Variants in SEC23B observed in about 807,000 individuals in gnomAD.
The protein encoded by SEC23B is SEC23 homolog B, COPII component.
In SEC23B, 77 loss-of-function variants were observed where a neutral mutation model predicts 104.3. The observed-to-expected ratio is 0.74, with a 90% CI of 0.61 to 0.89. The LOEUF (loss-of-function observed/expected upper bound fraction) is 0.89. Ranked by LOEUF, SEC23B falls within the 40% of genes least tolerant of loss-of-function variation. The pLI, the probability that SEC23B is intolerant of heterozygous loss-of-function variation, is 0.00. For missense variants in SEC23B, 885 were observed against 949.4 expected (o/e 0.93, Z 0.89); for synonymous variants, 338 against 332.5 (o/e 1.02, Z -0.18).
intron 7 of SEC23B, 145 bp downstream of exon 7, chr20:18,526,077 T>C (rs2060131564): frequency 9.5e-7 from 1 of 1,055,898 alleles, no homozygotes; most frequent in African/African-American, 1.6e-5. Flanking sequence ...ATCATTATCA[T>C]TCACGTTGAG....
intron 16 of SEC23B, among the ~76,000 whole-genome samples, chr20:18,549,078 TAC>T (rs767157556): frequency 1.3e-5 from 2 of 151,890 alleles, no homozygotes; most frequent in Non-Finnish European, 2.9e-5. Flanking sequence ...GACTCCTAGA[TAC>T]AGAGTAGACT....
intron 19 of SEC23B, among the ~76,000 whole-genome samples, chr20:18,557,775 G>A (rs1482923563): frequency 8.1e-6 from 1 of 122,912 alleles, no homozygotes; most frequent in Admixed American, 8.6e-5. Flanking sequence ...TTTTTGAGAT[G>A]GAGTTTTGCA....
rs764683518 is a variant in SEC23B, at chr20:18,554,248, G to T, written c.2006G>T (p.Trp669Leu). The T allele has an allele frequency of 6.2e-7, 1 of 1,614,160 alleles. No individual in the cohort carries two copies. The highest frequency in any genetic ancestry group is 8.5e-7 in the Non-Finnish European group (1 of 1,180,030). ...VIYLGETIAQWRKAGYQDMPE... is the reference protein window; with the variant it reads ...VIYLGETIAQLRKAGYQDMPE... ...GTTTCTGTGTAGACCATAGCCCAGT[G>T]GCGTAAAGCTGGCTACCAGGACATG... The change falls in exon 18 of 20, where the codon TGG (tryptophan) becomes TTG (leucine). Residue 669 changes from tryptophan to leucine, a missense_variant. Transcript: ENST00000650089.
chr20:18,525,048 G>A (rs962766191), intron 6 of SEC23B, 28 bp downstream of exon 6: 46 of 1,579,440 alleles, frequency 2.9e-5, no homozygotes, highest in African/African-American at 5.4e-5. Flanking sequence ...AGTGTTACAC[G>A]TATTGTGATG....
chr20:18,532,071 C>T (rs968612295), intron 10 of SEC23B, among the ~76,000 whole-genome samples: 1 of 151,864 alleles, frequency 6.6e-6, no homozygotes, highest in Non-Finnish European at 1.5e-5. Context: ...GGTCAGGGGC[C>T]GTCATTAGAA....
Position 18,514,951 on chromosome 20 carries a change from A to G in SEC23B, c.280-699A>G, listed in dbSNP as rs2060012505. On this transcript the variant is annotated intron_variant, in intron 3 of 19. Transcript: ENST00000650089. ...GTCTTTGGCTTTATTTAGACTATTA[A>G]CTATTGATGAGATAGGTGAAATCTC... Among the ~76,000 whole-genome samples, 4 of 152,208 alleles carry G rather than the reference A, an allele frequency of 2.6e-5. No individual in the cohort carries two copies. In the South Asian group the frequency reaches 8.3e-4, roughly 31 times the overall value.
chr20:18,555,102 T>C lies in SEC23B; in HGVS notation c.2149-6T>C, dbSNP rs761418419. On this transcript the variant is annotated splice_region_variant and splice_polypyrimidine_tract_variant and intron_variant, in intron 18 of 19. Transcript: ENST00000650089. ...TTAAATCTTTTTGTTGTTGTTGTTG[T>C]TAAAGGCTCGATTCCTTTTGTCCAA... The C allele has an allele frequency of 1.9e-6, 3 of 1,612,760 alleles. No homozygotes were observed. The highest frequency in any genetic ancestry group is 2.5e-6 in the Non-Finnish European group (3 of 1,178,768).
chr20:18,553,336 A>C (rs998459653), intron 17 of SEC23B, among the ~76,000 whole-genome samples: 5 of 152,232 alleles, frequency 3.3e-5, no homozygotes, highest in Non-Finnish European at 7.3e-5. Context: ...TGAGCAGGCT[A>C]CAGAAGGAGG....
rs1232015244 is a variant in SEC23B at position 18,524,546 on chromosome 20, A to G, written c.480A>G (p.Pro160=). ...AGATGTCCCTGAGTCTTCTTCCTCCAGATGCTCTGGTGGGTCTGATCACAT... is the reference window on the plus strand; with the variant it reads ...AGATGTCCCTGAGTCTTCTTCCTCCGGATGCTCTGGTGGGTCTGATCACAT... ...SLQMSLSLLP[P]DALVGLITFG... is the part of the protein sequence containing the mutation. Residue 160 remains proline, a synonymous_variant, in exon 5 of 20, where the codon CCA becomes CCG. Coordinates refer to ENST00000650089, the MANE Select transcript of SEC23B (RefSeq NM_006363.6). The G allele has an allele frequency of 1.2e-6, 2 of 1,614,098 alleles. No individual in the cohort carries two copies. The highest frequency in any genetic ancestry group is 1.7e-6 in the Non-Finnish European group (2 of 1,180,048).
At chr20:18,539,678 T>C (rs1379398415) in intron 12 of SEC23B, among the ~76,000 whole-genome samples, 1 of 133,926 alleles carries the variant, frequency 7.5e-6, no homozygotes, top group Non-Finnish European at 1.6e-5. Context: ...GGAGTCTTGC[T>C]CTGTTGCTCA....
Position 18,545,903 on chromosome 20 carries a change from TTC to T in SEC23B, c.1666-45_1666-44del, listed in dbSNP as rs2060327213. ...TTCCAGGTAATGCTAACTTAGATTT[TTC>T]TCTCTCTTTTTGTGTGTGTTTGTTT... On this transcript the variant is annotated intron_variant, in intron 14 of 19. Coordinates refer to ENST00000650089, the MANE Select transcript of SEC23B (RefSeq NM_006363.6). 9 of 1,062,500 alleles carry T rather than the reference TTC, an allele frequency of 8.5e-6. No homozygotes were observed. In the East Asian group the frequency reaches 9.4e-5, roughly 11 times the overall value. The allele number at this position is 1,062,500 out of a possible 1,614,324, so 65.8% of individuals were successfully genotyped here.
At chr20:18,545,897 A>G in intron 14 of SEC23B, 59 bp from the exon 15 acceptor site, 2 of 1,007,846 alleles carry the variant, frequency 2.0e-6, no homozygotes, top group Non-Finnish European at 3.2e-6. Context: ...ATGCTAACTT[A>G]GATTTTTCTC....
intron 4 of SEC23B, among the ~76,000 whole-genome samples, chr20:18,516,552 T>G (rs1444810427): frequency 1.4e-5 from 2 of 144,516 alleles, no homozygotes; most frequent in East Asian, 3.9e-4. Flanking sequence ...TTTCTTTTTC[T>G]TTTTTTTTTT....
intron 12 of SEC23B, among the ~76,000 whole-genome samples, chr20:18,537,664 CAGCATGGCACA>C (rs1184838476): frequency 6.6e-6 from 1 of 151,956 alleles, no homozygotes; most frequent in Non-Finnish European, 1.5e-5. Context: ...TACAGCACAC[CAGCATGGCACA>C]TGTATACATA....
At position 18,548,643 on chromosome 20, in the gene SEC23B, A is replaced by G; in HGVS notation, c.1778A>G (p.Gln593Arg). Residue 593 changes from glutamine to arginine, a missense_variant, in exon 16 of 20, where the codon CAA becomes CGA. Physicochemically the swap from Gln to Arg is conservative, Grantham distance 43. Transcript: ENST00000650089. ...MFHLRRSPFL[Q>R]VFNNSPDESS... ...CATCTGAGAAGATCTCCATTTCTTC[A>G]AGTGTTTAACAACAGTCCTGATGAG... is the stretch of plus-strand genomic sequence containing the variant. The G allele has an allele frequency of 6.2e-7, 1 of 1,614,128 alleles. No homozygotes were observed. Among genetic ancestry groups the G allele is most frequent in the Non-Finnish European group, 8.5e-7 (1 of 1,179,996 alleles).
At chr20:18,531,009 A>C (rs1477132950) in intron 10 of SEC23B, among the ~76,000 whole-genome samples, 1 of 152,240 alleles carries the variant, frequency 6.6e-6, no homozygotes, top group Non-Finnish European at 1.5e-5. Flanking sequence ...GACTTCTGGC[A>C]ACCTCCACCT....
rs180705563 is a variant in SEC23B, at chr20:18,544,404, C to G, written c.1665+1232C>G. 9.2e-5 allele frequency among the ~76,000 whole-genome samples: 14 copies of G among 152,286 alleles called. No homozygotes were observed. The East Asian group carries it at 2.7e-3, about 29-fold the overall frequency. ...GGGCCCAGGTGGCTAACAAAGACTT[C>G]CTGTGGAAATGAGCCTTGAGTCAGG... On this transcript the variant is annotated intron_variant, in intron 14 of 19. Coordinates refer to ENST00000650089, the MANE Select transcript of SEC23B (RefSeq NM_006363.6).
intron 4 of SEC23B, among the ~76,000 whole-genome samples, chr20:18,519,633 A>G (rs916367054): frequency 2.6e-5 from 4 of 152,158 alleles, no homozygotes; most frequent in African/African-American, 9.7e-5. Flanking sequence ...TAGGGAGACT[A>G]GTGTGGGGGC....
chr20:18,540,224 T>A (rs141415882), intron 12 of SEC23B, among the ~76,000 whole-genome samples: 1 of 152,336 alleles, frequency 6.6e-6, no homozygotes, highest in East Asian at 1.9e-4. Context: ...TTTCTTAAAT[T>A]TAAGACTTGA....
Sources: allele counts gnomAD v4.1 joint callset (sites outside exome capture counted in the v4.1 genomes callset), GRCh38; gene constraint gnomAD v4.1.1; transcripts MANE v1.5; gene names NCBI Gene and HGNC (gene_info 2026-07-23, HGNC 2026-07-21).